The following ZNF462 variants were observed in gnomAD, a reference collection of about 807,000 sequenced individuals.
ZNF462 encodes the protein zinc finger PBX1-interacting protein.
ZNF462 carries 10 observed loss-of-function variants against 201.9 expected under a neutral mutation model. That is an observed-to-expected ratio of 0.05 (90% CI 0.03 to 0.08). ZNF462 has a LOEUF of 0.08. ZNF462 is among the 10% of genes least tolerant of loss of function. The pLI is 1.00. For synonymous variants in ZNF462, 1,227 were observed against 1,193.3 expected, an observed-to-expected ratio of 1.03 and a Z score of -0.58; for missense variants, 2,523 against 3,168.3, an observed-to-expected ratio of 0.80 and a Z score of 4.89.
chr9:106,861,302 C>G (rs111865803), upstream of ZNF462, among the ~76,000 whole-genome samples: 748 of 152,144 alleles, frequency 4.9e-3, 11 homozygotes, highest in African/African-American at 0.017. Context: ...GGATGGGAAC[C>G]AACTCCGCGC....
chr9:106,990,451 G>A (rs1304582637), intron 10 of ZNF462, among the ~76,000 whole-genome samples: 1 of 151,990 alleles, frequency 6.6e-6, no homozygotes, highest in Non-Finnish European at 1.5e-5. Flanking sequence ...CCAAGGTATA[G>A]TTTAAATCCA....
Position 106,974,371 on chromosome 9 carries a change from C to A in ZNF462, c.6832+98C>A. ...TCTCAGAGTGGCAGTAGCACCTGTG[C>A]CTTGTTCCTCACCTTATCTTCAGGC... On this transcript the variant is annotated intron_variant, in intron 9 of 12. Transcript: ENST00000277225. The surrounding 1 kb of genome is among the most constrained non-coding windows in gnomAD (Gnocchi z 4.0). The A allele has an allele frequency of 1.3e-6, 2 of 1,557,452 alleles. No homozygotes were observed. The highest frequency in any genetic ancestry group is 1.8e-6 in the Non-Finnish European group (2 of 1,129,166).
Position 106,905,148 on chromosome 9 carries a change from A to G in ZNF462, c.-30-18206A>G, listed in dbSNP as rs1003443476. Reference sequence around the variant, plus strand: ...TGTGTAGTACTCTCCCCCTTTTCCTATGGATGTGGCTTCCTATGAGCCAAA... The same window carrying G: ...TGTGTAGTACTCTCCCCCTTTTCCTGTGGATGTGGCTTCCTATGAGCCAAA... On this transcript the variant is annotated intron_variant, in intron 1 of 12. Coordinates refer to ENST00000277225, the MANE Select transcript of ZNF462 (RefSeq NM_021224.6). The surrounding 1 kb of genome is among the most constrained non-coding windows in gnomAD (Gnocchi z 5.9). 2.0e-5 allele frequency among the ~76,000 whole-genome samples: 3 copies of G among 152,028 alleles called. No individual in the cohort carries two copies. The highest frequency in any genetic ancestry group is 2.9e-5 in the Non-Finnish European group (2 of 67,988).
At position 106,932,485 on chromosome 9, in the gene ZNF462, A is replaced by G. The variant is rs775693957; in HGVS notation, c.6052A>G (p.Met2018Val). 5 of 1,614,108 alleles carry G rather than the reference A, an allele frequency of 3.1e-6. No individual in the cohort carries two copies. The highest frequency in any genetic ancestry group is 3.3e-5 in the Admixed American group (2 of 60,006). ...TGAGAGGAGCCACCTGGCCCTGGCC[A>G]TGTTTACCCGCGAGGACAAGTACAG... ...SHERSHLALAMFTREDKYSCQ... is the reference protein window; with the variant it reads ...SHERSHLALAVFTREDKYSCQ... Residue 2018 changes from methionine to valine, a missense_variant, in exon 5 of 13, where the codon ATG (methionine) becomes GTG (valine). Coordinates refer to ENST00000277225, the MANE Select transcript of ZNF462 (RefSeq NM_021224.6). This position sits in a 1 kb window ranked among gnomAD's most constrained non-coding sequence, Gnocchi z 6.8.
chr9:106,893,015 C>T (rs1029222050), intron 1 of ZNF462, among the ~76,000 whole-genome samples: 1 of 152,206 alleles, frequency 6.6e-6, no homozygotes, highest in Non-Finnish European at 1.5e-5. Context: ...TATCTCAGAG[C>T]AAATTCCTGA....
In ZNF462 at chr9:106,895,703, T is replaced by C. The variant is rs1468627915; in HGVS notation, c.-30-27651T>C. On this transcript the variant is annotated intron_variant, in intron 1 of 12. Transcript: ENST00000277225. The surrounding 1 kb of genome is among the most constrained non-coding windows in gnomAD (Gnocchi z 4.4). ...GGTCAGGAAGTTGGAGGTCCTGTTG[T>C]CTTTCTTTGCTAAAACCTATGTTAG... Among the ~76,000 whole-genome samples the C allele has an allele frequency of 6.6e-6, 1 of 152,210 alleles. No homozygotes were observed. Among genetic ancestry groups the C allele is most frequent in the Non-Finnish European group, 1.5e-5 (1 of 68,040 alleles).
chr9:106,910,637 G>C (rs1011032820), intron 1 of ZNF462, among the ~76,000 whole-genome samples: 2 of 152,014 alleles, frequency 1.3e-5, no homozygotes, highest in African/African-American at 4.8e-5. Flanking sequence ...TTTAAGTCTT[G>C]CTTTTGATTC....
At chr9:106,908,910 C>CATATATACATATATATATAT (rs1458619122) in intron 1 of ZNF462, among the ~76,000 whole-genome samples, 2 of 43,978 alleles carry the variant, frequency 4.5e-5, no homozygotes, top group African/African-American at 2.2e-4. Flanking sequence ...CCCATATATA[C>CATATATACATATATATATAT]ATATATATAT....
chr9:106,951,755 C>T (rs1185432089), intron 7 of ZNF462, among the ~76,000 whole-genome samples: 1 of 152,086 alleles, frequency 6.6e-6, no homozygotes, highest in Non-Finnish European at 1.5e-5. Context: ...CCACCCCAGG[C>T]CTTCTTGCTT....
Position 106,870,060 on chromosome 9 carries a change from C to T in ZNF462, c.-31+6705C>T, listed in dbSNP as rs191548449. Among the ~76,000 whole-genome samples, 5 of 152,300 alleles carry T rather than the reference C, an allele frequency of 3.3e-5. No homozygotes were observed. In the East Asian group the frequency reaches 9.7e-4, roughly 29 times the overall value. Reference sequence around the variant, plus strand: ...TTTTTCTAAGTCCTCCTATTCTCATCAGCTGAAGCACGTACAGGATTTTTA... The same window carrying T: ...TTTTTCTAAGTCCTCCTATTCTCATTAGCTGAAGCACGTACAGGATTTTTA... On this transcript the variant is annotated intron_variant, in intron 1 of 12. Transcript: ENST00000277225. The surrounding 1 kb of genome is among the most constrained non-coding windows in gnomAD (Gnocchi z 4.3).
At chr9:106,979,931 C>T (rs905545499) in intron 9 of ZNF462, among the ~76,000 whole-genome samples, 1 of 152,196 alleles carries the variant, frequency 6.6e-6, no homozygotes, top group Non-Finnish European at 1.5e-5. Context: ...AATACATAGA[C>T]AAATGCCGCA....
chr9:106,932,611 A>C lies in ZNF462; in HGVS notation c.6116+62A>C. ...AGATGATGTCATAGTGGAAGGCACT[A>C]AGCTAAAGCAGAAGCTTGGATGAGT... On this transcript the variant is annotated intron_variant, in intron 5 of 12. Coordinates refer to ENST00000277225, the MANE Select transcript of ZNF462 (RefSeq NM_021224.6). The surrounding 1 kb of genome is among the most constrained non-coding windows in gnomAD (Gnocchi z 6.8). 1 of 1,608,834 alleles carries C rather than the reference A, an allele frequency of 6.2e-7. No individual in the cohort carries two copies. Among genetic ancestry groups the C allele is most frequent in the Non-Finnish European group, 8.5e-7 (1 of 1,176,482 alleles).
chr9:106,860,679 A>G (rs1827042608), upstream of ZNF462, among the ~76,000 whole-genome samples: 1 of 152,216 alleles, frequency 6.6e-6, no homozygotes, highest in African/African-American at 2.4e-5. This position sits in a 1 kb window ranked among gnomAD's most constrained non-coding sequence, Gnocchi z 7.1. Flanking sequence ...GCTTTTTATT[A>G]AAGACAAAGA....
chr9:106,985,417 A>G (rs1431461245), intron 10 of ZNF462, among the ~76,000 whole-genome samples: 1 of 152,172 alleles, frequency 6.6e-6, no homozygotes, highest in African/African-American at 2.4e-5. Flanking sequence ...ATTCTCTTCC[A>G]GAGGTTTGCC....
intron 7 of ZNF462, among the ~76,000 whole-genome samples, chr9:106,951,021 C>G (rs1160003645): frequency 6.7e-6 from 1 of 149,384 alleles, no homozygotes; most frequent in African/African-American, 2.5e-5. Flanking sequence ...ACCCAGGAGA[C>G]AGAGGTTGCA....
At chr9:106,994,824 C>T (rs895135267) in intron 10 of ZNF462, among the ~76,000 whole-genome samples, 2 of 152,100 alleles carry the variant, frequency 1.3e-5, no homozygotes, top group Non-Finnish European at 2.9e-5. Context: ...CCACTAAACT[C>T]CCCAGTCAAA....
chr9:107,003,399 G>A lies in ZNF462; in HGVS notation c.7162G>A (p.Glu2388Lys). The A allele has an allele frequency of 6.2e-7, 1 of 1,613,724 alleles. No homozygotes were observed. Among genetic ancestry groups the A allele is most frequent in the Non-Finnish European group, 8.5e-7 (1 of 1,179,794 alleles). Residue 2388 changes from glutamate (E) to lysine (K), a missense_variant, in exon 11 of 13, where the codon GAA becomes AAA. Physicochemically the swap from Glu to Lys is moderately conservative, Grantham distance 56. Around this residue, in one of 15 missense-constraint regions of ZNF462, gnomAD observed 228 missense variants for 361.2 expected, o/e 0.63. Coordinates refer to ENST00000277225, the MANE Select transcript of ZNF462 (RefSeq NM_021224.6). The surrounding 1 kb of genome is among the most constrained non-coding windows in gnomAD (Gnocchi z 4.4). ...SSSDDEDKEE[E>K]MNSKAEDREL... Reference sequence around the variant, plus strand: ...CAGCGATGATGAGGACAAGGAAGAAGAAATGAACAGCAAGGCTGAAGACAG... The same window carrying A: ...CAGCGATGATGAGGACAAGGAAGAAAAAATGAACAGCAAGGCTGAAGACAG...
intron 1 of ZNF462, among the ~76,000 whole-genome samples, chr9:106,899,919 C>T (rs934615559): frequency 4.0e-5 from 6 of 151,776 alleles, no homozygotes; most frequent in Admixed American, 2.0e-4. Flanking sequence ...TTAGTGGTGA[C>T]GTGTGACATT....
chr9:106,903,436 T>G (rs1398543390), intron 1 of ZNF462, among the ~76,000 whole-genome samples: 1 of 152,202 alleles, frequency 6.6e-6, no homozygotes, highest in Non-Finnish European at 1.5e-5. Context: ...ATATATCTGT[T>G]AAGTCCATTT....
Sources: gnomAD v4.1 joint callset for allele counts (sites outside exome capture counted in the v4.1 genomes callset) on GRCh38, gnomAD v4.1.1 for gene constraint, gnomAD v4.1.1 regional missense constraint, Gnocchi (gnomAD v3.1) non-coding constraint, MANE v1.5 for transcripts, NCBI Gene and HGNC (gene_info 2026-07-23, HGNC 2026-07-21) for gene names.